The following ERFL variants were observed in gnomAD, a reference collection of about 807,000 sequenced individuals.
ERFL encodes ETS domain-containing transcription factor ERF-like.
ERFL carries 8 observed loss-of-function variants against 27.9 expected under a neutral mutation model. That is an observed-to-expected ratio of 0.29 (90% CI 0.17 to 0.52). The LOEUF (loss-of-function observed/expected upper bound fraction) is 0.52, where lower values mean the gene tolerates loss of function less well. Among genes scored for constraint, ERFL ranks in the 20% least tolerant of loss-of-function variants. ERFL has a pLI of 0.97. For synonymous variants in ERFL, 174 were observed against 202.8 expected, an observed-to-expected ratio of 0.86 and a Z score of 1.21; for missense variants, 294 against 444.4, an observed-to-expected ratio of 0.66 and a Z score of 3.04.
rs1410972470 is a variant in ERFL at position 41,914,588 on chromosome 19, TTTCCACCATCTCTGTCTCTCCCTCCCC to T, written c.-13-1683_-13-1657del. Among the ~76,000 whole-genome samples, 14 of 26,214 alleles carry T rather than the reference TTTCCACCATCTCTGTCTCTCCCTCCCC, an allele frequency of 5.3e-4. 2 individuals carry two copies. The highest frequency in any genetic ancestry group is 5.2e-4 in the Non-Finnish European group (8 of 15,466). The allele number at this position is 26,214 out of a possible 152,430, so 17.2% of individuals were successfully genotyped here. ...ATCTCTGTCTCCGTCTCTCCCTCCC[TTTCCACCATCTCTGTCTCTCCCTCCCC>T]TTCCACCATCTCTGTCTCTGTCTCT... is the stretch of plus-strand genomic sequence containing the variant. On this transcript the variant is annotated intron_variant, in intron 1 of 5. Transcript: ENST00000597630.
Position 41,912,923 on chromosome 19 carries a change from G to T in ERFL, c.-4C>A. ...CGGAGACGCAGCTACAGTCCATGGCGGAGCCGGCCCTGCAGAGGCCGGGAG... is the reference window on the plus strand; with the variant it reads ...CGGAGACGCAGCTACAGTCCATGGCTGAGCCGGCCCTGCAGAGGCCGGGAG... On this transcript the variant is annotated 5_prime_UTR_variant, in exon 2 of 6. Transcript: ENST00000597630. 8.1e-7 allele frequency: 1 copy of T among 1,231,134 alleles called. No individual in the cohort carries two copies. The highest frequency in any genetic ancestry group is 1.0e-6 in the Non-Finnish European group (1 of 987,460). The allele number at this position is 1,231,134 out of a possible 1,614,324, so 76.3% of individuals were successfully genotyped here.
At chr19:41,923,167 G>A (rs1555852795) in intron 1 of ERFL, 4 of 456,466 alleles carry the variant, frequency 8.8e-6, no homozygotes, top group East Asian at 6.9e-5. Context: ...GGAAACTGAG[G>A]TTCTGACAGG....
chr19:41,923,141 C>T, intron 1 of ERFL: 1 of 456,402 alleles, frequency 2.2e-6, no homozygotes, highest in Non-Finnish European at 4.4e-6. Flanking sequence ...ATGATGGATG[C>T]CCATTTCACA....
In ERFL at chr19:41,909,348, G is replaced by A; in HGVS notation, c.426C>T (p.Gly142=). 8.1e-7 allele frequency: 1 copy of A among 1,235,902 alleles called. No homozygotes were observed. The highest frequency in any genetic ancestry group is 4.1e-5 in the South Asian group (1 of 24,566). The allele number at this position is 1,235,902 out of a possible 1,614,324, so 76.6% of individuals were successfully genotyped here. A position where few individuals can be genotyped will look rare whatever the true frequency, so the allele number is the denominator to read the frequency against. The change falls in exon 4 of 6, where the codon GGC becomes GGT. Residue 142 remains glycine, a synonymous_variant. Coordinates refer to ENST00000597630, the MANE Select transcript of ERFL (RefSeq NM_001365103.2). The surrounding 1 kb of genome is among the most constrained non-coding windows in gnomAD (Gnocchi z 5.2). ...PLLDMAAAAT[G]SPLLLTPSPF... ...GACTGGGGGTCAGCAAGAGTGGGGA[G>A]CCAGTGGCAGCTGCCGCCATGTCCA...
Position 41,909,961 on chromosome 19 carries a change from C to T in ERFL, c.204G>A (p.Gly68=). The T allele has an allele frequency of 1.2e-6, 2 of 1,613,904 alleles. No homozygotes were observed. The highest frequency in any genetic ancestry group is 1.3e-5 in the African/African-American group (1 of 75,050). ...QGVIAWQGDY[G]EFVIKDPDEV... ...CATCGGGGTCTTTGATGACGAATTC[C>T]CCGTAGTCCCCCTGCCAGGCTATGA... The change falls in exon 3 of 6, where the codon GGG becomes GGA. Residue 68 remains glycine, a synonymous_variant. Transcript: ENST00000597630. This position sits in a 1 kb window ranked among gnomAD's most constrained non-coding sequence, Gnocchi z 5.2.
intron 1 of ERFL, 108 bp from the exon 2 acceptor site, chr19:41,913,040 C>T (rs1299793573): frequency 1.4e-5 from 6 of 422,272 alleles, no homozygotes; most frequent in Non-Finnish European, 2.4e-5. Flanking sequence ...GGTCCCCACC[C>T]CAGCCTGACA....
Position 41,917,034 on chromosome 19 carries a change from G to A in ERFL, c.-13-4102C>T, listed in dbSNP as rs2074805799. The stretch of plus-strand genomic sequence containing the variant: ...GGTGTGTGTGTGTGTGTGCACATAT[G>A]TGACACGTGCCCTTGTCTCAGACCT... On this transcript the variant is annotated intron_variant, in intron 1 of 5. Transcript: ENST00000597630. This position sits in a 1 kb window ranked among gnomAD's most constrained non-coding sequence, Gnocchi z 4.8. Among the ~76,000 whole-genome samples, 1 of 152,042 alleles carries A rather than the reference G, an allele frequency of 6.6e-6. No homozygotes were observed. Among genetic ancestry groups the A allele is most frequent in the Non-Finnish European group, 1.5e-5 (1 of 68,022 alleles).
chr19:41,914,553 C>T (rs1160502612), intron 1 of ERFL, among the ~76,000 whole-genome samples: 1 of 121,758 alleles, frequency 8.2e-6, no homozygotes, highest in Non-Finnish European at 1.8e-5. Context: ...TCTTTCCCTC[C>T]CCTTCCACCA....
At chr19:41,924,885 C>T (rs1332426814) in intron 1 of ERFL, among the ~76,000 whole-genome samples, 1 of 151,940 alleles carries the variant, frequency 6.6e-6, no homozygotes, top group Non-Finnish European at 1.5e-5. Context: ...AAGGTTTCTT[C>T]CTAAAGGTGT....
In ERFL at chr19:41,917,624, C is replaced by T. The variant is rs2074809842; in HGVS notation, c.-13-4692G>A. Among the ~76,000 whole-genome samples, 1 of 151,930 alleles carries T rather than the reference C, an allele frequency of 6.6e-6. No individual in the cohort carries two copies. The highest frequency in any genetic ancestry group is 1.5e-5 in the Non-Finnish European group (1 of 67,954). ...CTTCTGCCACCGCCGCCCCCGCATG[C>T]ACACACCATGCCCCAAAGCACACGC... On this transcript the variant is annotated intron_variant, in intron 1 of 5. Coordinates refer to ENST00000597630, the MANE Select transcript of ERFL (RefSeq NM_001365103.2). This position sits in a 1 kb window ranked among gnomAD's most constrained non-coding sequence, Gnocchi z 4.8.
At chr19:41,914,648 T>C (rs113615831) in intron 1 of ERFL, among the ~76,000 whole-genome samples, 705 of 3,176 alleles carry the variant, frequency 0.22, 154 homozygotes, top group South Asian at 0.29. Flanking sequence ...TCTCCCTCCC[T>C]TTCCACCATC....
In ERFL at chr19:41,908,868, C is replaced by G. The variant is rs1555850978; in HGVS notation, c.616+192G>C. ...TTGTCTTCCCATTCCTTAGGCACCC[C>G]TGAAAGCCCCTGTCTCCCTCATTTC... On this transcript the variant is annotated intron_variant, in intron 5 of 5. Coordinates refer to ENST00000597630, the MANE Select transcript of ERFL (RefSeq NM_001365103.2). This position sits in a 1 kb window ranked among gnomAD's most constrained non-coding sequence, Gnocchi z 6.7. Among the ~76,000 whole-genome samples the G allele has an allele frequency of 6.6e-6, 1 of 151,760 alleles. No homozygotes were observed. The highest frequency in any genetic ancestry group is 1.5e-5 in the Non-Finnish European group (1 of 67,888).
chr19:41,913,791 C>T (rs2074768979), intron 1 of ERFL, among the ~76,000 whole-genome samples: 1 of 149,394 alleles, frequency 6.7e-6, no homozygotes, highest in African/African-American at 2.5e-5. Context: ...CCTCTTATGG[C>T]GCCTCCCCTC....
chr19:41,910,062 ACT>A lies in ERFL; in HGVS notation c.101_102del (p.Glu34ValfsTer43). ...FAFPDWAYKPESSPGSRQIQL... is the reference protein window; with the variant it reads ...FAFPDWAYKPXSSPGSRQIQL... The stretch of plus-strand genomic sequence containing the variant: ...TGGATCTGCCTCGAGCCAGGGGATG[ACT>A]CTGGCTTGTAGGCCCAATCCGGGAA... On this transcript the variant is annotated frameshift_variant, in exon 3 of 6. Transcript: ENST00000597630. LOFTEE classifies it high-confidence loss of function. The surrounding 1 kb of genome is among the most constrained non-coding windows in gnomAD (Gnocchi z 4.4). 6.2e-7 allele frequency: 1 copy of A among 1,613,106 alleles called. No individual in the cohort carries two copies. Among genetic ancestry groups the A allele is most frequent in the East Asian group, 2.2e-5 (1 of 44,850 alleles).
intron 1 of ERFL, among the ~76,000 whole-genome samples, chr19:41,915,464 G>A (rs560087536): frequency 3.3e-5 from 5 of 151,472 alleles, no homozygotes; most frequent in East Asian, 3.9e-4. Flanking sequence ...TTCCCACGTC[G>A]TCTCCACTTC....
chr19:41,908,348 C>T lies in ERFL; in HGVS notation c.945G>A (p.Glu315=), dbSNP rs567176957. Reference sequence around the variant, plus strand: ...TGATCTCCAGCTCCGAGTCGCTGTCCTCCTTCCCACCAAGGGCAGCCTCTG... The same window carrying T: ...TGATCTCCAGCTCCGAGTCGCTGTCTTCCTTCCCACCAAGGGCAGCCTCTG... The part of the protein sequence containing the change: ...GGPEAALGGK[E]DSDSELEITD... The change falls in exon 6 of 6, where the codon GAG becomes GAA. Residue 315 remains glutamate (E), a synonymous_variant. Transcript: ENST00000597630. This position sits in a 1 kb window ranked among gnomAD's most constrained non-coding sequence, Gnocchi z 6.7. 2.0e-5 allele frequency: 25 copies of T among 1,231,484 alleles called. No homozygotes were observed. The highest frequency in any genetic ancestry group is 2.1e-5 in the Non-Finnish European group (21 of 987,790). The allele number at this position is 1,231,484 out of a possible 1,614,324, so 76.3% of individuals were successfully genotyped here.
chr19:41,914,319 C>T (rs1805476460), intron 1 of ERFL, among the ~76,000 whole-genome samples: 1 of 151,458 alleles, frequency 6.6e-6, no homozygotes, highest in Admixed American at 6.6e-5. Context: ...TCCCTTCCGT[C>T]TCCCCCCACC....
Position 41,908,642 on chromosome 19 carries a change from C to A in ERFL, c.651G>T (p.Leu217=). Residue 217 remains leucine, a synonymous_variant, in exon 6 of 6, where the codon CTG becomes CTT. Transcript: ENST00000597630. This position sits in a 1 kb window ranked among gnomAD's most constrained non-coding sequence, Gnocchi z 6.7. ...ATSYSKPPGL[L]GPYGRAFPEY... is the part of the protein sequence containing the mutation. Reference sequence around the variant, plus strand: ...CAGGGAAGGCGCGGCCATAAGGACCCAGCAGGCCAGGGGGCTTGGAATAGC... The same window carrying A: ...CAGGGAAGGCGCGGCCATAAGGACCAAGCAGGCCAGGGGGCTTGGAATAGC... 1 of 1,231,666 alleles carries A rather than the reference C, an allele frequency of 8.1e-7. No individual in the cohort carries two copies. The highest frequency in any genetic ancestry group is 1.0e-6 in the Non-Finnish European group (1 of 988,036). 76.3% of individuals were successfully genotyped at this position (1,231,666 alleles called of 1,614,324 possible). A position where few individuals can be genotyped will look rare whatever the true frequency, so the allele number is the denominator to read the frequency against.
chr19:41,918,800 T>A (rs2074819866), intron 1 of ERFL, among the ~76,000 whole-genome samples: 1 of 131,390 alleles, frequency 7.6e-6, no homozygotes, highest in Non-Finnish European at 1.6e-5. Context: ...ATACACACCA[T>A]ACACACACAC....
Sources: allele counts gnomAD v4.1 joint callset (sites outside exome capture counted in the v4.1 genomes callset), GRCh38; gene constraint gnomAD v4.1.1; non-coding constraint Gnocchi (gnomAD v3.1); transcripts MANE v1.5; gene names NCBI Gene and HGNC (gene_info 2026-07-23, HGNC 2026-07-21).